Variants in WSCD2 observed in about 807,000 individuals in gnomAD.
WSCD2 encodes WSC domain sialate O sulfotransferase 2.
A neutral mutation model predicts 55.7 loss-of-function variants in WSCD2; 28 were observed. The observed-to-expected ratio is 0.50, with a 90% CI of 0.37 to 0.69. WSCD2 has a LOEUF of 0.69. WSCD2 is among the 30% of genes least tolerant of loss of function. The pLI is 0.00. For missense variants in WSCD2, 616 were observed against 762.1 expected, an observed-to-expected ratio of 0.81 and a Z score of 2.26; for synonymous variants, 301 against 301.9, an observed-to-expected ratio of 1.00 and a Z score of 0.03.
chr12:108,173,563 C>T (rs1368346818), intron 1 of WSCD2, among the ~76,000 whole-genome samples: 8 of 151,442 alleles, frequency 5.3e-5, no homozygotes, highest in Non-Finnish European at 1.0e-4. Context: ...ACAAGAGCAG[C>T]CTTGGTGGAG....
intron 7 of WSCD2, among the ~76,000 whole-genome samples, chr12:108,236,216 C>T (rs1294820482): frequency 1.3e-5 from 2 of 152,186 alleles, no homozygotes; most frequent in Admixed American, 1.3e-4. Flanking sequence ...TGTTCCCCTG[C>T]CCCTGGAGAC....
chr12:108,207,843 A>AG (rs1257514048), intron 3 of WSCD2, among the ~76,000 whole-genome samples: 1 of 152,018 alleles, frequency 6.6e-6, no homozygotes, highest in Non-Finnish European at 1.5e-5. Flanking sequence ...ACTTGGGTGC[A>AG]GGGGGGCGGG....
intron 1 of WSCD2, among the ~76,000 whole-genome samples, chr12:108,133,266 G>A (rs139560098): frequency 1.6e-4 from 24 of 152,128 alleles, no homozygotes; most frequent in East Asian, 3.9e-4. Context: ...CTGTGTGCAC[G>A]TGAGTGTCTC....
At chr12:108,208,107 G>T (rs1885649242) in intron 3 of WSCD2, among the ~76,000 whole-genome samples, 1 of 152,180 alleles carries the variant, frequency 6.6e-6, no homozygotes, top group African/African-American at 2.4e-5. Context: ...TTTGTTGACT[G>T]CCAGTGGGTG....
intron 4 of WSCD2, 144 bp from the exon 5 acceptor site, chr12:108,224,595 C>A: frequency 1.9e-6 from 2 of 1,046,144 alleles, no homozygotes; most frequent in Non-Finnish European, 1.4e-6. Context: ...GAAAACATGG[C>A]CACTCTTTCC....
intron 1 of WSCD2, among the ~76,000 whole-genome samples, chr12:108,159,003 C>T (rs764825415): frequency 1.3e-5 from 2 of 152,296 alleles, no homozygotes; most frequent in Non-Finnish European, 1.5e-5. Context: ...AGCCAGAGTT[C>T]TTCCTGGAAA....
intron 1 of WSCD2, among the ~76,000 whole-genome samples, chr12:108,168,155 G>C (rs1565929881): frequency 1.3e-5 from 2 of 152,138 alleles, no homozygotes; most frequent in Non-Finnish European, 2.9e-5. Flanking sequence ...ACATTGACTC[G>C]GCACTAATTT....
In WSCD2 at chr12:108,210,337, C is replaced by T; in HGVS notation, c.682+32C>T. On this transcript the variant is annotated intron_variant, in intron 4 of 8. Transcript: ENST00000547525. The surrounding 1 kb of genome is among the most constrained non-coding windows in gnomAD (Gnocchi z 4.3). Reference sequence around the variant, plus strand: ...GAGTCTGCCCTGCCCCTCTCTGCTGCTCCTCCCTCAGCTGCAGCCCTTGCC... The same window carrying T: ...GAGTCTGCCCTGCCCCTCTCTGCTGTTCCTCCCTCAGCTGCAGCCCTTGCC... The T allele has an allele frequency of 6.5e-7, 1 of 1,537,776 alleles. No individual in the cohort carries two copies. Among genetic ancestry groups the T allele is most frequent in the Non-Finnish European group, 8.7e-7 (1 of 1,146,724 alleles).
chr12:108,171,401 G>A (rs1406845568), intron 1 of WSCD2, among the ~76,000 whole-genome samples: 3 of 152,178 alleles, frequency 2.0e-5, no homozygotes, highest in African/African-American at 4.8e-5. Context: ...CACTGGCCAC[G>A]TATGGCTATT....
Position 108,248,988 on chromosome 12 carries a change from C to A in WSCD2, c.*645C>A, listed in dbSNP as rs190081175. The A allele has an allele frequency of 9.2e-5, 81 of 880,242 alleles. No individual in the cohort carries two copies. In the African/African-American group the frequency reaches 1.3e-3, roughly 14 times the overall value. 54.5% of individuals were successfully genotyped at this position (880,242 alleles called of 1,614,324 possible). The stretch of plus-strand genomic sequence containing the variant: ...GGGGCCATTGGTGTTATGAGCCCCC[C>A]AGGCCACACTGCTTCTCAGAAATGA... On this transcript the variant is annotated 3_prime_UTR_variant, in exon 9 of 9. Coordinates refer to ENST00000547525, the MANE Select transcript of WSCD2 (RefSeq NM_014653.4). This position sits in a 1 kb window ranked among gnomAD's most constrained non-coding sequence, Gnocchi z 4.3.
intron 8 of WSCD2, among the ~76,000 whole-genome samples, chr12:108,244,858 T>G (rs915662042): frequency 6.6e-6 from 1 of 152,048 alleles, no homozygotes; most frequent in Admixed American, 6.5e-5. Flanking sequence ...TTTTTAAAAA[T>G]TTATTTATTT....
At chr12:108,147,733 G>C (rs1877550306) in intron 1 of WSCD2, among the ~76,000 whole-genome samples, 1 of 152,026 alleles carries the variant, frequency 6.6e-6, no homozygotes, top group East Asian at 1.9e-4. Flanking sequence ...ACAGAAATTA[G>C]CCGGGTGTGG....
chr12:108,196,289 T>C (rs1883918634), intron 2 of WSCD2, 75 bp downstream of exon 2: 1 of 1,473,950 alleles, frequency 6.8e-7, no homozygotes, highest in Non-Finnish European at 9.0e-7. Flanking sequence ...ATAACAGCTG[T>C]CAGTTTTCAG....
Position 108,195,997 on chromosome 12 carries a change from A to T in WSCD2, c.165A>T (p.Ala55=), listed in dbSNP as rs770420630. ...VSGNQANPAA[A]GGPAEGAELS... ...GGAACCAGGCGAACCCCGCTGCTGC[A>T]GGAGGCCCAGCTGAGGGTGCTGAGC... The change falls in exon 2 of 9, where the codon GCA becomes GCT. Residue 55 remains alanine, a synonymous_variant. Coordinates refer to ENST00000547525, the MANE Select transcript of WSCD2 (RefSeq NM_014653.4). The T allele has an allele frequency of 6.2e-7, 1 of 1,614,214 alleles. No homozygotes were observed. The highest frequency in any genetic ancestry group is 8.5e-7 in the Non-Finnish European group (1 of 1,180,036).
At chr12:108,200,763 G>A (rs745381445) in intron 2 of WSCD2, among the ~76,000 whole-genome samples, 3 of 152,164 alleles carry the variant, frequency 2.0e-5, no homozygotes, top group Admixed American at 6.5e-5. Flanking sequence ...ATTCAGTCAT[G>A]GGGTATCACA....
intron 7 of WSCD2, among the ~76,000 whole-genome samples, chr12:108,238,903 T>C (rs1565995586): frequency 1.3e-5 from 2 of 152,060 alleles, no homozygotes; most frequent in African/African-American, 4.8e-5. Flanking sequence ...CCTGGGCGAG[T>C]TATTGGACAT....
intron 7 of WSCD2, among the ~76,000 whole-genome samples, chr12:108,235,881 T>C (rs1889216916): frequency 6.6e-6 from 1 of 151,974 alleles, no homozygotes; most frequent in Non-Finnish European, 1.5e-5. Flanking sequence ...GCAGTAGGGG[T>C]ATAGACAAAA....
intron 2 of WSCD2, 139 bp downstream of exon 2, chr12:108,196,353 T>G (rs781304773): frequency 4.4e-5 from 57 of 1,288,926 alleles, no homozygotes; most frequent in Non-Finnish European, 5.4e-5. Flanking sequence ...GTGCCTGCCA[T>G]TATCATCCCC....
chr12:108,154,889 A>G (rs1878368002), intron 1 of WSCD2, among the ~76,000 whole-genome samples: 1 of 152,198 alleles, frequency 6.6e-6, no homozygotes, highest in South Asian at 2.1e-4. Flanking sequence ...GATTTTTGTA[A>G]CTATTCCCAT....
Sources: gnomAD v4.1 joint callset for allele counts (sites outside exome capture counted in the v4.1 genomes callset) on GRCh38, gnomAD v4.1.1 for gene constraint, Gnocchi (gnomAD v3.1) non-coding constraint, MANE v1.5 for transcripts, NCBI Gene and HGNC (gene_info 2026-07-23, HGNC 2026-07-21) for gene names.